SNX27: variants seen among roughly 807,000 people sequenced by gnomAD.
SNX27 encodes sorting nexin 27, also known as sorting nexin-27.
A neutral mutation model predicts 71.6 loss-of-function variants in SNX27; 22 were observed. The observed-to-expected ratio is 0.31, with a 90% CI of 0.22 to 0.44. The LOEUF (loss-of-function observed/expected upper bound fraction) is 0.44. Ranked by LOEUF, SNX27 falls within the 20% of genes least tolerant of loss-of-function variation. SNX27 has a pLI of 1.00. For missense variants in SNX27, 531 were observed against 698.6 expected (o/e 0.76, Z 2.70); for synonymous variants, 269 against 277.2 (o/e 0.97, Z 0.29).
intron 1 of SNX27, among the ~76,000 whole-genome samples, chr1:151,634,314 G>C (rs1668376699): frequency 6.6e-6 from 1 of 152,090 alleles, no homozygotes; most frequent in South Asian, 2.1e-4. Context: ...TGTCACAGAG[G>C]GTCAAAATAG....
At chr1:151,621,325 G>A (rs1667664499) in intron 1 of SNX27, among the ~76,000 whole-genome samples, 1 of 152,208 alleles carries the variant, frequency 6.6e-6, no homozygotes, top group Non-Finnish European at 1.5e-5. Context: ...TTGAGGAAAT[G>A]TGCCTTTCTG....
At chr1:151,618,996 A>G (rs899158152) in intron 1 of SNX27, among the ~76,000 whole-genome samples, 11 of 146,122 alleles carry the variant, frequency 7.5e-5, no homozygotes, top group African/African-American at 2.8e-4. Context: ...TTTACATTAT[A>G]ACCTAATATA....
intron 1 of SNX27, among the ~76,000 whole-genome samples, chr1:151,618,258 A>C (rs77164252): frequency 6.6e-6 from 1 of 151,974 alleles, no homozygotes; most frequent in African/African-American, 2.4e-5. Context: ...TTTACTCACT[A>C]TTACCCATTG....
intron 10 of SNX27, 93 bp downstream of exon 10, chr1:151,693,132 A>G: frequency 1.3e-6 from 2 of 1,516,762 alleles, no homozygotes; most frequent in Non-Finnish European, 8.9e-7. Flanking sequence ...AGATAGAGCT[A>G]GTAGTTGTCT....
At position 151,696,490 on chromosome 1, in the gene SNX27, T is replaced by TTCTTTCG. The variant is rs1671721103; in HGVS notation, c.*2074_*2075insCTTTCGT. ...CTTTCTTTCTTTCTTTCTTTCTTTCTTTCTTTCTTTCTTTCGTTCTTTCGT... is the reference window on the plus strand; with the variant it reads ...CTTTCTTTCTTTCTTTCTTTCTTTCTTCTTTCGTTCTTTCTTTCTTTCGTTCTTTCGT... On this transcript the variant is annotated 3_prime_UTR_variant, in exon 12 of 12. Transcript: ENST00000458013. 3.1e-5 allele frequency: 3 copies of TTCTTTCG among 95,758 alleles called. No homozygotes were observed. The highest frequency in any genetic ancestry group is 4.4e-5 in the African/African-American group (1 of 22,892). 5.9% of individuals were successfully genotyped at this position (95,758 alleles called of 1,614,324 possible).
chr1:151,651,213 G>A (rs1345615787), intron 2 of SNX27, among the ~76,000 whole-genome samples: 2 of 150,974 alleles, frequency 1.3e-5, no homozygotes, highest in African/African-American at 2.4e-5. Context: ...CGGGCGGGGC[G>A]GCTGGCCGGG....
At position 151,681,235 on chromosome 1, in the gene SNX27, CTTTTTTTTTTT is replaced by C. The variant is rs762924986; in HGVS notation, c.1150-2107_1150-2097del. Among the ~76,000 whole-genome samples, 2 of 60,700 alleles carry C rather than the reference CTTTTTTTTTTT, an allele frequency of 3.3e-5. 1 individual carries two copies. Among genetic ancestry groups the C allele is most frequent in the Admixed American group, 4.4e-4 (2 of 4,518 alleles). 39.8% of individuals were successfully genotyped at this position (60,700 alleles called of 152,430 possible). ...CTAGAAGTTGAATTAGTCTCTCAAT[CTTTTTTTTTTT>C]TTTTTTTTTTTTTGCGATGGAGTCT... On this transcript the variant is annotated intron_variant, in intron 7 of 11. Transcript: ENST00000458013.
intron 4 of SNX27, among the ~76,000 whole-genome samples, chr1:151,661,940 A>T (rs539144729): frequency 5.7e-4 from 87 of 152,324 alleles, no homozygotes; most frequent in South Asian, 3.5e-3. Flanking sequence ...AAATGTGAAC[A>T]CGTTGGCTTC....
At chr1:151,628,000 A>G (rs1483722285) in intron 1 of SNX27, among the ~76,000 whole-genome samples, 2 of 139,762 alleles carry the variant, frequency 1.4e-5, no homozygotes, top group Non-Finnish European at 3.1e-5. Context: ...ATGTCTTTTC[A>G]TGACTGTTTT....
chr1:151,641,600 T>TAGATAG lies in SNX27; in HGVS notation c.543+2482_543+2483insGATAGA, dbSNP rs1233005835. On this transcript the variant is annotated intron_variant, in intron 2 of 11. Transcript: ENST00000458013. ...CTGGTTCTACAAGTCCTTTATCAGA[T>TAGATAG]ATATATATATATATATATATATATA... is the stretch of plus-strand genomic sequence containing the variant. Among the ~76,000 whole-genome samples the TAGATAG allele has an allele frequency of 1.4e-3, 72 of 50,726 alleles. 1 individual carries two copies. Among genetic ancestry groups the TAGATAG allele is most frequent in the Non-Finnish European group, 4.1e-4 (12 of 29,292 alleles). 33.3% of individuals were successfully genotyped at this position (50,726 alleles called of 152,430 possible). A position where few individuals can be genotyped will look rare whatever the true frequency, so the allele number is the denominator to read the frequency against.
At chr1:151,657,834 C>T (rs1669767352) in intron 2 of SNX27, among the ~76,000 whole-genome samples, 1 of 152,096 alleles carries the variant, frequency 6.6e-6, no homozygotes, top group Non-Finnish European at 1.5e-5. Flanking sequence ...AACCCCTTCT[C>T]TACTAAAAAT....
At chr1:151,643,310 T>TTATTTA in intron 2 of SNX27, among the ~76,000 whole-genome samples, 1 of 145,580 alleles carries the variant, frequency 6.9e-6, no homozygotes, top group South Asian at 2.2e-4. Flanking sequence ...ATTTATTTAT[T>TTATTTA]TTGAGACGGA....
chr1:151,650,532 C>T (rs1296620898), intron 2 of SNX27, among the ~76,000 whole-genome samples: 7 of 151,970 alleles, frequency 4.6e-5, no homozygotes, highest in Non-Finnish European at 1.0e-4. Flanking sequence ...CTGTGTTTTA[C>T]ACTGTTTGAT....
chr1:151,693,092 T>C, intron 10 of SNX27, 53 bp downstream of exon 10: 2 of 1,594,060 alleles, frequency 1.3e-6, no homozygotes, highest in Non-Finnish European at 1.7e-6. Context: ...TTTTGTTTTT[T>C]TTTTCAGCTA....
intron 7 of SNX27, chr1:151,676,904 C>T (rs1320997423): frequency 1.3e-5 from 2 of 151,282 alleles, no homozygotes; most frequent in Admixed American, 1.3e-4. Context: ...TTATGCTTAA[C>T]TTGTCTTTCA....
chr1:151,680,938 C>T (rs938124516), intron 7 of SNX27, among the ~76,000 whole-genome samples: 20 of 152,126 alleles, frequency 1.3e-4, no homozygotes, highest in Non-Finnish European at 1.2e-4. Context: ...CTATAATCCT[C>T]GGTGCCTAAG....
At chr1:151,651,690 TG>T (rs1490479325) in intron 2 of SNX27, among the ~76,000 whole-genome samples, 1 of 146,892 alleles carries the variant, frequency 6.8e-6, no homozygotes. Context: ...GGATGGCGGC[TG>T]GGCGGAGATG....
At chr1:151,676,815 G>T (rs1670722624) in intron 7 of SNX27, 1 of 152,000 alleles carries the variant, frequency 6.6e-6, no homozygotes, top group Non-Finnish European at 1.5e-5. Context: ...TGAATGAATG[G>T]TTGGTCTAAG....
intron 1 of SNX27, among the ~76,000 whole-genome samples, chr1:151,627,890 C>G (rs531324932): frequency 2.0e-5 from 3 of 151,972 alleles, no homozygotes; most frequent in Non-Finnish European, 4.4e-5. Flanking sequence ...AACCACTGAT[C>G]TTTGCCTTTT....
Sources: allele counts gnomAD v4.1 joint callset (sites outside exome capture counted in the v4.1 genomes callset), GRCh38; gene constraint gnomAD v4.1.1; transcripts MANE v1.5; gene names NCBI Gene and HGNC (gene_info 2026-07-23, HGNC 2026-07-21).